NPEPPS: variants seen among roughly 807,000 people sequenced by gnomAD.
NPEPPS encodes aminopeptidase puromycin sensitive, also known as puromycin-sensitive aminopeptidase.
Under a neutral mutation model 115.5 loss-of-function variants are expected in NPEPPS, and 14 were observed. The ratio of observed to expected loss-of-function variants is 0.12; its 90% CI spans 0.08 to 0.19. NPEPPS has a LOEUF of 0.19. Ranked by LOEUF, NPEPPS falls within the 10% of genes least tolerant of loss-of-function variation. The pLI is 1.00. For synonymous variants in NPEPPS, 285 were observed against 390.6 expected (o/e 0.73, Z 3.19); for missense variants, 523 against 1,110.8 (o/e 0.47, Z 7.52).
At chr17:47,543,552 C>G (rs1908944091) in intron 1 of NPEPPS, among the ~76,000 whole-genome samples, 1 of 150,210 alleles carries the variant, frequency 6.7e-6, no homozygotes, top group Middle Eastern at 3.2e-3. Context: ...GTGTTGAACT[C>G]CTGACCTCAA....
Position 47,603,973 on chromosome 17 carries a change from G to A in NPEPPS, c.1799G>A (p.Ser600Asn). The A allele has an allele frequency of 6.2e-7, 1 of 1,613,752 alleles. No homozygotes were observed. The highest frequency in any genetic ancestry group is 8.5e-7 in the Non-Finnish European group (1 of 1,179,724). Residue 600 changes from serine (S) to asparagine (N), a missense_variant, in exon 16 of 23, where the codon AGT (serine) becomes AAT (asparagine). Ser to Asn is a conservative substitution (Grantham distance 46). Transcript: ENST00000322157. ...RTQYSSAMLESLLPGIRDLSL... is the reference protein window; with the variant it reads ...RTQYSSAMLENLLPGIRDLSL... ...CAGTACAGCTCTGCCATGCTGGAAAGTTTATTACCAGGCATTCGTGACCTT... is the reference window on the plus strand; with the variant it reads ...CAGTACAGCTCTGCCATGCTGGAAAATTTATTACCAGGCATTCGTGACCTT...
intron 14 of NPEPPS, among the ~76,000 whole-genome samples, chr17:47,600,679 T>C (rs1913139891): frequency 6.6e-6 from 1 of 152,226 alleles, no homozygotes; most frequent in Non-Finnish European, 1.5e-5. Context: ...AGTAGCTCCA[T>C]TTCCATGAAT....
chr17:47,551,196 A>G (rs1286379287), intron 2 of NPEPPS, among the ~76,000 whole-genome samples: 1 of 152,068 alleles, frequency 6.6e-6, no homozygotes, highest in Admixed American at 6.6e-5. Context: ...AATCTTGTTG[A>G]TGTGTATACA....
intron 1 of NPEPPS, among the ~76,000 whole-genome samples, chr17:47,543,145 CAAA>C (rs941024934): frequency 1.5e-4 from 8 of 53,060 alleles, no homozygotes; most frequent in Non-Finnish European, 2.2e-4. Context: ...GACTCCATCT[CAAA>C]AAAAAAAAAA....
In NPEPPS at chr17:47,576,625, C is replaced by T. The variant is rs368169975; in HGVS notation, c.419-2765C>T. On this transcript the variant is annotated intron_variant, in intron 3 of 22. Transcript: ENST00000322157. Reference sequence around the variant, plus strand: ...TTATTAAAGTATTTCAAGATTTACTCCAGGTTTTACAATTGTTATACTCTC... The same window carrying T: ...TTATTAAAGTATTTCAAGATTTACTTCAGGTTTTACAATTGTTATACTCTC... 2.3e-4 allele frequency among the ~76,000 whole-genome samples: 35 copies of T among 152,188 alleles called. 1 individual carries two copies. The East Asian group carries it at 6.7e-3, about 29-fold the overall frequency.
intron 1 of NPEPPS, among the ~76,000 whole-genome samples, chr17:47,523,996 CT>C (rs941370799): frequency 1.1e-3 from 148 of 138,822 alleles, no homozygotes; most frequent in Admixed American, 1.5e-3. Flanking sequence ...CTTTCTTAAA[CT>C]TTTTTTTTTT....
chr17:47,603,066 A>G (rs1248711133), intron 15 of NPEPPS, among the ~76,000 whole-genome samples: 1 of 152,196 alleles, frequency 6.6e-6, no homozygotes, highest in Non-Finnish European at 1.5e-5. Flanking sequence ...CCATTTAACT[A>G]TTTTGAATAT....
chr17:47,582,991 A>G, intron 5 of NPEPPS, 142 bp downstream of exon 5: 3 of 516,138 alleles, frequency 5.8e-6, no homozygotes, highest in Non-Finnish European at 1.0e-5. Context: ...CTTTATTTTC[A>G]ATAAGCCTCT....
At chr17:47,534,241 G>A (rs998607224) in intron 1 of NPEPPS, among the ~76,000 whole-genome samples, 1 of 151,994 alleles carries the variant, frequency 6.6e-6, no homozygotes, top group Admixed American at 6.6e-5. Context: ...ACAGGTGCCC[G>A]CCACTGCACC....
At chr17:47,534,797 G>C (rs1355781134) in intron 1 of NPEPPS, among the ~76,000 whole-genome samples, 1 of 151,260 alleles carries the variant, frequency 6.6e-6, no homozygotes, top group Non-Finnish European at 1.5e-5. Flanking sequence ...TCGAACTCCT[G>C]ACCTCAGGTG....
chr17:47,529,152 T>G (rs934766091), upstream of NPEPPS, among the ~76,000 whole-genome samples: 3 of 152,202 alleles, frequency 2.0e-5, no homozygotes, highest in African/African-American at 7.2e-5. Context: ...CTGGGTTCTA[T>G]CTGAGAAATT....
upstream of NPEPPS, among the ~76,000 whole-genome samples, chr17:47,529,717 T>A (rs1485872213): frequency 2.8e-5 from 2 of 71,488 alleles, no homozygotes; most frequent in Non-Finnish European, 6.2e-5. Context: ...CCCCCCTTTT[T>A]AAAGATAATT....
chr17:47,587,400 T>G (rs2143858785), intron 9 of NPEPPS, 56 bp downstream of exon 9: 1 of 1,442,268 alleles, frequency 6.9e-7, no homozygotes, highest in South Asian at 1.5e-5. Flanking sequence ...CTCCACATTA[T>G]TTTGGCTACA....
At position 47,601,726 on chromosome 17, in the gene NPEPPS, C is replaced by T; in HGVS notation, c.1719C>T (p.Val573=). 1 of 1,613,414 alleles carries T rather than the reference C, an allele frequency of 6.2e-7. No homozygotes were observed. The highest frequency in any genetic ancestry group is 8.5e-7 in the Non-Finnish European group (1 of 1,179,692). ...AGATGAATGTGGTTTTGAAAAATGTCAAACCAGACCAATGGGTGAAGGTGA... is the reference window on the plus strand; with the variant it reads ...AGATGAATGTGGTTTTGAAAAATGTTAAACCAGACCAATGGGTGAAGGTGA... ...KPEMNVVLKN[V]KPDQWVKLNL... is the part of the protein sequence containing the mutation. Residue 573 remains valine, a synonymous_variant, in exon 15 of 23, where the codon GTC becomes GTT. Coordinates refer to ENST00000322157, the MANE Select transcript of NPEPPS (RefSeq NM_006310.4).
chr17:47,585,052 C>T (rs1289132474), intron 5 of NPEPPS, among the ~76,000 whole-genome samples: 1 of 152,290 alleles, frequency 6.6e-6, no homozygotes, highest in Middle Eastern at 3.4e-3. Context: ...TGGTCTTGAT[C>T]TCCTGACCTT....
intron 3 of NPEPPS, among the ~76,000 whole-genome samples, chr17:47,578,546 A>G (rs1158238611): frequency 1.3e-5 from 2 of 152,160 alleles, no homozygotes; most frequent in African/African-American, 2.4e-5. Flanking sequence ...GTTATAAAAA[A>G]GAAAGTATAT....
At chr17:47,588,388 C>T (rs111844620) in intron 9 of NPEPPS, among the ~76,000 whole-genome samples, 3 of 151,766 alleles carry the variant, frequency 2.0e-5, no homozygotes, top group African/African-American at 7.3e-5. Flanking sequence ...GTTGCGAAAC[C>T]CCATCTCCAC....
At chr17:47,580,144 A>T (rs1447794348) in intron 4 of NPEPPS, 1 of 152,072 alleles carries the variant, frequency 6.6e-6, no homozygotes, top group Non-Finnish European at 1.5e-5. Context: ...ACAATTCATG[A>T]TATCCGTTCT....
chr17:47,532,621 T>TGCATTCCA (rs1309986765), intron 1 of NPEPPS, among the ~76,000 whole-genome samples: 1 of 136,378 alleles, frequency 7.3e-6, no homozygotes, highest in African/African-American at 2.8e-5. Context: ...ACTGCATTCC[T>TGCATTCCA]GCATTCCAGC....
Sources: allele counts gnomAD v4.1 joint callset (sites outside exome capture counted in the v4.1 genomes callset), GRCh38; gene constraint gnomAD v4.1.1; transcripts MANE v1.5; gene names NCBI Gene and HGNC (gene_info 2026-07-23, HGNC 2026-07-21).